The following MAP3K19 variants were observed in gnomAD, a reference collection of about 807,000 sequenced individuals.
MAP3K19 encodes SPS1/STE20-related protein kinase YSK4.
In MAP3K19, 91 loss-of-function variants were observed where a neutral mutation model predicts 114.4. That is an observed-to-expected ratio of 0.80 (90% confidence interval 0.67 to 0.95). The LOEUF (loss-of-function observed/expected upper bound fraction) is 0.95. MAP3K19 is among the 40% of genes least tolerant of loss of function. The pLI, the probability that MAP3K19 is intolerant of heterozygous loss-of-function variation, is 0.00. For missense variants in MAP3K19, 1,471 were observed against 1,573.2 expected, an observed-to-expected ratio of 0.94 and a Z score of 1.10; for synonymous variants, 518 against 530.5, an observed-to-expected ratio of 0.98 and a Z score of 0.32.
intron 4 of MAP3K19, chr2:135,023,267 G>A (rs574458010): frequency 2.7e-5 from 9 of 339,422 alleles, no homozygotes; most frequent in South Asian, 1.2e-4. Flanking sequence ...CTTTCTTCCC[G>A]CAACTCTCTT....
intron 6 of MAP3K19, among the ~76,000 whole-genome samples, chr2:135,004,458 G>C (rs1339645217): frequency 6.6e-6 from 1 of 152,198 alleles, no homozygotes; most frequent in African/African-American, 2.4e-5. Flanking sequence ...ACCTCCCGGA[G>C]GAGACGCTAC....
At chr2:135,018,281 CAAAA>C (rs781510594) in intron 5 of MAP3K19, among the ~76,000 whole-genome samples, 2 of 58,264 alleles carry the variant, frequency 3.4e-5, no homozygotes, top group Non-Finnish European at 3.5e-5. Context: ...GCAACAACAG[CAAAA>C]AAAAAAAAAA....
rs551516665 is a variant in MAP3K19 at position 135,011,558 on chromosome 2, T to A, written c.139-6027A>T. On this transcript the variant is annotated intron_variant, in intron 5 of 12. Transcript: ENST00000392915. Reference sequence around the variant, plus strand: ...TCTCAAAAAAAAAAAAAAAAAAGTCTTAAAGTTGCCTCAAAAAATGTACTG... The same window carrying A: ...TCTCAAAAAAAAAAAAAAAAAAGTCATAAAGTTGCCTCAAAAAATGTACTG... Among the ~76,000 whole-genome samples, 319 of 141,900 alleles carry A rather than the reference T, an allele frequency of 2.2e-3. 5 individuals carry two copies. In the Middle Eastern group the frequency reaches 0.036, roughly 16 times the overall value. The allele number at this position is 141,900 out of a possible 152,430, so 93.1% of individuals were successfully genotyped here. A position where few individuals can be genotyped will look rare whatever the true frequency, so the allele number is the denominator to read the frequency against.
In MAP3K19 at chr2:134,987,768, T is replaced by C. The variant is rs765712333; in HGVS notation, c.1104A>G (p.Ser368=). The C allele has an allele frequency of 5.6e-6, 9 of 1,608,028 alleles. No individual in the cohort carries two copies. Among genetic ancestry groups the C allele is most frequent in the Non-Finnish European group, 7.6e-6 (9 of 1,179,986 alleles). Residue 368 remains serine (S), a synonymous_variant, in exon 10 of 13, where the codon TCA becomes TCG. Transcript: ENST00000392915. ...KPEEENSQYL[S]SRKNESSVAK... ...CTACTGAACTCTCATTCTTTCTTGATGAAAGATATTGAGAGTTCTCTTCTT... is the reference window on the plus strand; with the variant it reads ...CTACTGAACTCTCATTCTTTCTTGACGAAAGATATTGAGAGTTCTCTTCTT...
intron 9 of MAP3K19, among the ~76,000 whole-genome samples, chr2:134,989,475 G>A (rs539360270): frequency 6.6e-6 from 1 of 152,248 alleles, no homozygotes; most frequent in African/African-American, 2.4e-5. Flanking sequence ...CAGTTTTACT[G>A]TCTAGATGAT....
intron 12 of MAP3K19, among the ~76,000 whole-genome samples, chr2:134,967,558 G>A (rs958415667): frequency 2.6e-5 from 4 of 152,262 alleles, no homozygotes; most frequent in Admixed American, 6.5e-5. Context: ...TTACTCCACT[G>A]AGATGTTTGG....
chr2:135,037,813 A>G (rs1056441820), intron 2 of MAP3K19, among the ~76,000 whole-genome samples: 6 of 152,160 alleles, frequency 3.9e-5, no homozygotes, highest in Non-Finnish European at 8.8e-5. Flanking sequence ...TTCAGGGGTC[A>G]CCTGGTCCTC....
intron 4 of MAP3K19, chr2:135,023,719 C>A (rs1014056260): frequency 5.2e-6 from 2 of 384,610 alleles, no homozygotes; most frequent in Non-Finnish European, 1.0e-5. Context: ...CTCTCACACC[C>A]CACCCAAGGA....
intron 6 of MAP3K19, among the ~76,000 whole-genome samples, chr2:135,001,470 T>C (rs1205717270): frequency 6.6e-6 from 1 of 152,268 alleles, no homozygotes; most frequent in African/African-American, 2.4e-5. Flanking sequence ...CCCAAGCCTT[T>C]CGTTTTAGAG....
chr2:135,004,215 CCATT>C (rs1237454906), intron 6 of MAP3K19, among the ~76,000 whole-genome samples: 1 of 152,206 alleles, frequency 6.6e-6, no homozygotes, highest in African/African-American at 2.4e-5. Context: ...GCTTGGGACA[CCATT>C]AGGCTTCTAA....
chr2:135,012,801 C>T (rs1421356142), intron 5 of MAP3K19, among the ~76,000 whole-genome samples: 1 of 152,114 alleles, frequency 6.6e-6, no homozygotes, highest in Non-Finnish European at 1.5e-5. Context: ...AATACATTTA[C>T]CTTCTTTGCT....
intron 5 of MAP3K19, among the ~76,000 whole-genome samples, chr2:135,020,251 T>C (rs769608202): frequency 1.3e-5 from 2 of 152,190 alleles, no homozygotes; most frequent in Non-Finnish European, 2.9e-5. Flanking sequence ...ACTCCTGACC[T>C]CAGGCGATCC....
intron 12 of MAP3K19, among the ~76,000 whole-genome samples, chr2:134,978,368 A>T (rs1182693090): frequency 6.6e-6 from 1 of 151,454 alleles, no homozygotes; most frequent in Non-Finnish European, 1.5e-5. Context: ...TAATTTTTGT[A>T]TTTTTTTGTA....
chr2:134,972,652 G>A (rs959688416), intron 12 of MAP3K19, among the ~76,000 whole-genome samples: 1 of 151,704 alleles, frequency 6.6e-6, no homozygotes, highest in African/African-American at 2.4e-5. Flanking sequence ...ACCCAGGCTG[G>A]TCTTGAACTC....
chr2:134,968,114 G>A (rs186300487), intron 12 of MAP3K19, among the ~76,000 whole-genome samples: 6 of 152,008 alleles, frequency 3.9e-5, no homozygotes, highest in Middle Eastern at 3.2e-3. Context: ...ATCTTGCACC[G>A]CCCCTAATCC....
intron 8 of MAP3K19, among the ~76,000 whole-genome samples, chr2:134,997,923 T>C (rs1053032795): frequency 6.6e-6 from 1 of 152,130 alleles, no homozygotes; most frequent in Non-Finnish European, 1.5e-5. Context: ...TTTGGTAGGA[T>C]GTGTCACAGC....
At chr2:134,979,394 A>T (rs1684459786) in intron 12 of MAP3K19, among the ~76,000 whole-genome samples, 1 of 152,122 alleles carries the variant, frequency 6.6e-6, no homozygotes, top group African/African-American at 2.4e-5. Context: ...GCAACGGTTC[A>T]AAAGGAGAGC....
intron 5 of MAP3K19, among the ~76,000 whole-genome samples, chr2:135,016,105 A>T (rs1436931781): frequency 6.6e-6 from 1 of 152,102 alleles, no homozygotes; most frequent in Non-Finnish European, 1.5e-5. Context: ...AAATTGAAAA[A>T]AATTATCCGG....
intron 5 of MAP3K19, among the ~76,000 whole-genome samples, chr2:135,019,079 C>CA (rs1296350505): frequency 1.4e-4 from 20 of 138,810 alleles, no homozygotes; most frequent in East Asian, 1.3e-3. Flanking sequence ...GACTCCATCT[C>CA]AAAAAAAAAG....
Sources: gnomAD v4.1 joint callset for allele counts (sites outside exome capture counted in the v4.1 genomes callset) on GRCh38, gnomAD v4.1.1 for gene constraint, MANE v1.5 for transcripts, NCBI Gene and HGNC (gene_info 2026-07-23, HGNC 2026-07-21) for gene names.